CRACDL: variants seen among roughly 807,000 people sequenced by gnomAD.
CRACDL encodes CRACD like, also known as CRACD-like protein.
CRACDL carries 26 observed loss-of-function variants against 70.6 expected under a neutral mutation model. That is an observed-to-expected ratio of 0.37 (90% CI 0.27 to 0.51). The LOEUF (loss-of-function observed/expected upper bound fraction) is 0.51. CRACDL is among the 20% of genes least tolerant of loss of function. The probability of loss-of-function intolerance (pLI) is 0.94; values close to 1 mark genes in which losing one functional copy is unlikely to be tolerated. For synonymous variants in CRACDL, 618 were observed against 615.2 expected, an observed-to-expected ratio of 1.00 and a Z score of -0.07; for missense variants, 1,283 against 1,376.9, an observed-to-expected ratio of 0.93 and a Z score of 1.08.
At chr2:98,861,365 A>G (rs1706928762) in intron 1 of CRACDL, among the ~76,000 whole-genome samples, 1 of 152,186 alleles carries the variant, frequency 6.6e-6, no homozygotes, top group African/African-American at 2.4e-5. Context: ...CAACAACAAC[A>G]AAACCACAGT....
chr2:98,820,166 GCC>G (rs1559211038), intron 7 of CRACDL, among the ~76,000 whole-genome samples: 1 of 151,830 alleles, frequency 6.6e-6, no homozygotes, highest in Non-Finnish European at 1.5e-5. Flanking sequence ...TCTCCCTAGG[GCC>G]CCCATCACAT....
chr2:98,879,967 C>T (rs1229773928), intron 1 of CRACDL, among the ~76,000 whole-genome samples: 2 of 152,254 alleles, frequency 1.3e-5, no homozygotes, highest in African/African-American at 2.4e-5. Flanking sequence ...ATGACTTCTG[C>T]GTTGCCTCAT....
chr2:98,820,545 AC>A (rs1280298797), intron 7 of CRACDL, among the ~76,000 whole-genome samples: 1 of 152,148 alleles, frequency 6.6e-6, no homozygotes. Flanking sequence ...AAAACAAACA[AC>A]AACAAAAACA....
intron 7 of CRACDL, among the ~76,000 whole-genome samples, chr2:98,816,745 A>G (rs1704798128): frequency 6.6e-6 from 1 of 152,244 alleles, no homozygotes; most frequent in South Asian, 2.1e-4. Context: ...CAGAGGTTAC[A>G]GTGTTGATGA....
chr2:98,828,177 G>A (rs1051456516), intron 5 of CRACDL, among the ~76,000 whole-genome samples: 2 of 152,180 alleles, frequency 1.3e-5, no homozygotes, highest in African/African-American at 2.4e-5. Flanking sequence ...CACTGAGTGA[G>A]GTCGAAGTGG....
chr2:98,794,713 G>A (rs1366560512), intron 9 of CRACDL, 42 bp from the exon 10 acceptor site: 6 of 1,572,450 alleles, frequency 3.8e-6, no homozygotes, highest in Non-Finnish European at 5.2e-6. Context: ...CATGAGCAGT[G>A]ACTTCGAATT....
At chr2:98,832,268 A>G (rs967464495) in intron 5 of CRACDL, 80 bp downstream of exon 5, 5 of 1,483,074 alleles carry the variant, frequency 3.4e-6, no homozygotes, top group African/African-American at 1.4e-5. Flanking sequence ...TCTTAGGGGC[A>G]CACACAGGGG....
intron 7 of CRACDL, among the ~76,000 whole-genome samples, chr2:98,819,061 TTAGA>T (rs1163364052): frequency 2.0e-5 from 3 of 152,230 alleles, no homozygotes; most frequent in Non-Finnish European, 4.4e-5. Context: ...GTGATTAAAC[TTAGA>T]TGGATGAGAC....
intron 1 of CRACDL, among the ~76,000 whole-genome samples, chr2:98,928,228 C>A (rs1708982038): frequency 2.0e-5 from 3 of 151,988 alleles, no homozygotes; most frequent in Non-Finnish European, 4.4e-5. Context: ...AGACAGCTCA[C>A]AAAACAATAC....
intron 1 of CRACDL, among the ~76,000 whole-genome samples, chr2:98,925,539 G>A (rs1340740009): frequency 6.6e-6 from 1 of 152,138 alleles, no homozygotes; most frequent in Non-Finnish European, 1.5e-5. Context: ...TACTGAAACC[G>A]ACAACCACAC....
In CRACDL at chr2:98,901,435, C is replaced by A. The variant is rs529252259; in HGVS notation, c.-11+34503G>T. Among the ~76,000 whole-genome samples the A allele has an allele frequency of 5.9e-5, 9 of 152,314 alleles. No individual in the cohort carries two copies. The South Asian group carries it at 1.7e-3, about 28-fold the overall frequency. On this transcript the variant is annotated intron_variant, in intron 1 of 9. Coordinates refer to ENST00000397899, the MANE Select transcript of CRACDL (RefSeq NM_207362.3). ...CAAACCTCAGTCCCAGGGCTCCCCC[C>A]ATCCAGAGCTCAGAGCCCTGAAGGG...
At chr2:98,805,230 A>G (rs1704236563) in intron 7 of CRACDL, among the ~76,000 whole-genome samples, 1 of 152,064 alleles carries the variant, frequency 6.6e-6, no homozygotes, top group South Asian at 2.1e-4. Flanking sequence ...AGCTACACAC[A>G]TAGGATCTGT....
At chr2:98,864,631 C>A (rs1392754303) in intron 1 of CRACDL, among the ~76,000 whole-genome samples, 1 of 151,862 alleles carries the variant, frequency 6.6e-6, no homozygotes, top group Admixed American at 6.6e-5. Context: ...ACTGCAACCT[C>A]CGCCTCCTAG....
intron 1 of CRACDL, among the ~76,000 whole-genome samples, chr2:98,867,861 T>C (rs1707205893): frequency 6.6e-6 from 1 of 152,260 alleles, no homozygotes; most frequent in South Asian, 2.1e-4. Flanking sequence ...CATTTTTCTA[T>C]GCATATATCC....
intron 1 of CRACDL, among the ~76,000 whole-genome samples, chr2:98,874,462 C>T (rs1707429686): frequency 6.6e-6 from 1 of 152,224 alleles, no homozygotes; most frequent in Admixed American, 6.5e-5. Context: ...GCACGGGCTG[C>T]TGGGCAGAAT....
Position 98,800,822 on chromosome 2 carries a change from G to T in CRACDL, c.2417-3285C>A, listed in dbSNP as rs534653571. 2.0e-5 allele frequency among the ~76,000 whole-genome samples: 3 copies of T among 152,342 alleles called. No individual in the cohort carries two copies. In the South Asian group the frequency reaches 6.2e-4, roughly 32 times the overall value. ...CACTTCTAAATGCTGAGCTTGGCAA[G>T]AGGTAAATTTTCCTTTCCTTACATC... is the stretch of plus-strand genomic sequence containing the variant. On this transcript the variant is annotated intron_variant, in intron 7 of 9. Coordinates refer to ENST00000397899, the MANE Select transcript of CRACDL (RefSeq NM_207362.3).
At chr2:98,859,139 G>A (rs990448230) in intron 1 of CRACDL, among the ~76,000 whole-genome samples, 13 of 152,074 alleles carry the variant, frequency 8.5e-5, no homozygotes, top group Admixed American at 3.9e-4. Flanking sequence ...TCATTGTGAA[G>A]CCAGTATTAC....
At chr2:98,896,927 T>G (rs1708142046) in intron 1 of CRACDL, among the ~76,000 whole-genome samples, 1 of 152,166 alleles carries the variant, frequency 6.6e-6, no homozygotes, top group South Asian at 2.1e-4. Context: ...TGGCAGGCAT[T>G]GCTCACCCTT....
rs779569856 is a variant in CRACDL, at chr2:98,794,527, C to T, written c.*5G>A. ...GTGGACATGCTTTATCAGCACACTG[C>T]CCACCTATTTTATAATCTGGGGCAT... On this transcript the variant is annotated 3_prime_UTR_variant, in exon 10 of 10. Transcript: ENST00000397899. 1.7e-5 allele frequency: 28 copies of T among 1,613,406 alleles called. No homozygotes were observed. Among genetic ancestry groups the T allele is most frequent in the Non-Finnish European group, 2.1e-5 (25 of 1,179,584 alleles).
Sources: gnomAD v4.1 joint callset for allele counts (sites outside exome capture counted in the v4.1 genomes callset) on GRCh38, gnomAD v4.1.1 for gene constraint, MANE v1.5 for transcripts, NCBI Gene and HGNC (gene_info 2026-07-23, HGNC 2026-07-21) for gene names.